The following TRAPPC11 variants were observed in gnomAD, a reference collection of about 807,000 sequenced individuals.
TRAPPC11 encodes foie gras homolog.
TRAPPC11 carries 104 observed loss-of-function variants against 151.2 expected under a neutral mutation model. The observed-to-expected ratio is 0.69, with a 90% CI of 0.59 to 0.81. The LOEUF is 0.81. Ranked by LOEUF, TRAPPC11 falls within the 30% of genes least tolerant of loss-of-function variation. TRAPPC11 has a pLI of 0.00. For synonymous variants in TRAPPC11, 456 were observed against 472.3 expected (o/e 0.97, Z 0.45); for missense variants, 1,230 against 1,349.6 (o/e 0.91, Z 1.39).
intron 1 of TRAPPC11, among the ~76,000 whole-genome samples, chr4:183,661,546 T>A (rs1236432675): frequency 2.0e-5 from 3 of 151,488 alleles, no homozygotes; most frequent in Non-Finnish European, 4.4e-5. Flanking sequence ...TAATTTTTTG[T>A]GTTTTTAGTA....
At chr4:183,667,413 A>T (rs1455483804) in intron 4 of TRAPPC11, among the ~76,000 whole-genome samples, 1 of 152,126 alleles carries the variant, frequency 6.6e-6, no homozygotes, top group Non-Finnish European at 1.5e-5. Context: ...AATTCGCTTG[A>T]ATTTTTTTAC....
At chr4:183,685,215 C>T in intron 16 of TRAPPC11, 56 bp from the exon 17 acceptor site, 1 of 1,608,124 alleles carries the variant, frequency 6.2e-7, no homozygotes, top group South Asian at 1.1e-5. Flanking sequence ...TCAACTAATC[C>T]AAGTAGTGGT....
chr4:183,675,164 C>CT lies in TRAPPC11; in HGVS notation c.665dup (p.Leu222PhefsTer4). On this transcript the variant is annotated frameshift_variant and splice_region_variant, in exon 7 of 30. Coordinates refer to ENST00000334690, the MANE Select transcript of TRAPPC11 (RefSeq NM_021942.6). LOFTEE classifies it high-confidence loss of function. The stretch of plus-strand genomic sequence containing the variant: ...TAGTAATTTTTTTGTCTCTTTTTAG[C>CT]TTTTATTTGTTAGGCATCAGTTCAA... The CT allele has an allele frequency of 6.7e-7, 1 of 1,491,914 alleles. No homozygotes were observed. The highest frequency in any genetic ancestry group is 9.0e-7 in the Non-Finnish European group (1 of 1,114,942). 92.4% of individuals were successfully genotyped at this position (1,491,914 alleles called of 1,614,324 possible). A position where few individuals can be genotyped will look rare whatever the true frequency, so the allele number is the denominator to read the frequency against.
intron 5 of TRAPPC11, among the ~76,000 whole-genome samples, chr4:183,669,960 A>G (rs1461272524): frequency 6.6e-6 from 1 of 152,258 alleles, no homozygotes; most frequent in Non-Finnish European, 1.5e-5. Context: ...ATGTAAAAAC[A>G]AGTGCCCTGG....
rs6842945 is a variant in TRAPPC11 at position 183,693,394 on chromosome 4, G to C, written c.2238-195G>C. ...TAATTTTTGTATTTTTTCTAGAGATGAGGGTCTTACTATGCTGCCCAGCCT... is the reference window on the plus strand; with the variant it reads ...TAATTTTTGTATTTTTTCTAGAGATCAGGGTCTTACTATGCTGCCCAGCCT... On this transcript the variant is annotated intron_variant, in intron 20 of 29. Coordinates refer to ENST00000334690, the MANE Select transcript of TRAPPC11 (RefSeq NM_021942.6). Among the ~76,000 whole-genome samples the C allele has an allele frequency of 0.2, 29,830 of 151,952 alleles. 3,054 individuals carry two copies. The highest frequency in any genetic ancestry group is 0.25 in the East Asian group (1,272 of 5,150).
chr4:183,679,478 G>A lies in TRAPPC11; in HGVS notation c.957G>A (p.Met319Ile). 1 of 1,604,782 alleles carries A rather than the reference G, an allele frequency of 6.2e-7. No homozygotes were observed. Among genetic ancestry groups the A allele is most frequent in the Non-Finnish European group, 8.5e-7 (1 of 1,176,910 alleles). Residue 319 changes from methionine (M) to isoleucine (I), a missense_variant, in exon 9 of 30, where the codon ATG (methionine) becomes ATA (isoleucine). Met to Ile is a conservative substitution (Grantham distance 10). Coordinates refer to ENST00000334690, the MANE Select transcript of TRAPPC11 (RefSeq NM_021942.6). ...TGTCTTTTGAGCATGATGCATGGAT[G>A]TCTAAACAGTATGTTTTACATTGTC... ...AELSFEHDAWMSKQFQAFGDL... is the reference protein window; with the variant it reads ...AELSFEHDAWISKQFQAFGDL...
intron 5 of TRAPPC11, among the ~76,000 whole-genome samples, chr4:183,671,857 A>G (rs1421304575): frequency 6.6e-6 from 1 of 152,246 alleles, no homozygotes; most frequent in Non-Finnish European, 1.5e-5. Flanking sequence ...AAGAGTAAAT[A>G]TACATGTGTT....
intron 20 of TRAPPC11, 66 bp from the exon 21 acceptor site, chr4:183,693,523 A>T: frequency 6.6e-7 from 1 of 1,517,266 alleles, no homozygotes; most frequent in Non-Finnish European, 8.9e-7. Flanking sequence ...TCTTTTAAAT[A>T]CTTTATTTGA....
At chr4:183,684,600 TA>T (rs1735868549) in intron 14 of TRAPPC11, 95 bp from the exon 15 acceptor site, 2 of 1,347,198 alleles carry the variant, frequency 1.5e-6, no homozygotes. Flanking sequence ...GATTTTTCTA[TA>T]CTTACATAAA....
chr4:183,664,691 A>G (rs1232946120), intron 2 of TRAPPC11, among the ~76,000 whole-genome samples: 2 of 152,212 alleles, frequency 1.3e-5, no homozygotes, highest in Non-Finnish European at 2.9e-5. Context: ...TAGTTGTAAA[A>G]AAACAGTAAA....
rs1408502665 is a variant in TRAPPC11 at position 183,680,108 on chromosome 4, C to G, written c.966-12C>G. The G allele has an allele frequency of 1.3e-6, 2 of 1,594,702 alleles. No individual in the cohort carries two copies. The highest frequency in any genetic ancestry group is 1.7e-6 in the Non-Finnish European group (2 of 1,172,846). ...TCATTCCTCTTTATTTCTTGATTTT[C>G]TTTTCTTTAAGATTCCAGGCCTTTG... On this transcript the variant is annotated splice_polypyrimidine_tract_variant and intron_variant, in intron 9 of 29. Coordinates refer to ENST00000334690, the MANE Select transcript of TRAPPC11 (RefSeq NM_021942.6).
rs1470121917 is a variant in TRAPPC11, at chr4:183,685,286, C to T, written c.1645C>T (p.Pro549Ser). 2 of 1,613,780 alleles carry T rather than the reference C, an allele frequency of 1.2e-6. No individual in the cohort carries two copies. Among genetic ancestry groups the T allele is most frequent in the Admixed American group, 1.7e-5 (1 of 59,998 alleles). Residue 549 changes from proline (P) to serine (S), a missense_variant, in exon 17 of 30, where the codon CCA becomes TCA. By Grantham distance (74) the Pro-to-Ser change is moderately conservative. Transcript: ENST00000334690. ...INVLMNESPDPEPDCDILAVK... is the reference protein window; with the variant it reads ...INVLMNESPDSEPDCDILAVK... Reference sequence around the variant, plus strand: ...GTTGATGCAGAATGAAAGTCCTGATCCAGAACCCGACTGTGATATCTTAGC... The same window carrying T: ...GTTGATGCAGAATGAAAGTCCTGATTCAGAACCCGACTGTGATATCTTAGC...
chr4:183,675,261 T>C (rs1735357256), intron 7 of TRAPPC11, 24 bp downstream of exon 7: 6 of 1,416,854 alleles, frequency 4.2e-6, no homozygotes, highest in Non-Finnish European at 5.7e-6. Flanking sequence ...TCAAACTAAA[T>C]GTTTCCTATT....
chr4:183,684,377 T>C lies in TRAPPC11; in HGVS notation c.1421+18T>C. On this transcript the variant is annotated intron_variant, in intron 14 of 29. Transcript: ENST00000334690. Reference sequence around the variant, plus strand: ...GCTTTGAAGTGAGTCCTGTTCACTATTTACTTTTACAAGTATTTGGATTAT... The same window carrying C: ...GCTTTGAAGTGAGTCCTGTTCACTACTTACTTTTACAAGTATTTGGATTAT... The C allele has an allele frequency of 6.2e-7, 1 of 1,602,574 alleles. No individual in the cohort carries two copies. Among genetic ancestry groups the C allele is most frequent in the Non-Finnish European group, 8.5e-7 (1 of 1,170,536 alleles).
At chr4:183,696,284 G>T (rs538808096) in intron 23 of TRAPPC11, among the ~76,000 whole-genome samples, 1 of 152,326 alleles carries the variant, frequency 6.6e-6, no homozygotes, top group African/African-American at 2.4e-5. Context: ...GCTCTGTCTG[G>T]CATTACAGCC....
chr4:183,670,534 G>A (rs1267555885), intron 5 of TRAPPC11, among the ~76,000 whole-genome samples: 1 of 152,172 alleles, frequency 6.6e-6, no homozygotes, highest in African/African-American at 2.4e-5. Context: ...GAAAGCAAAT[G>A]CTTCTCAAAG....
At chr4:183,694,357 A>C (rs1051724219) in intron 22 of TRAPPC11, among the ~76,000 whole-genome samples, 1 of 151,582 alleles carries the variant, frequency 6.6e-6, no homozygotes, top group Non-Finnish European at 1.5e-5. Flanking sequence ...TTGGAAGTTA[A>C]AGAACAATAA....
At chr4:183,693,380 T>C (rs1219788331) in intron 20 of TRAPPC11, among the ~76,000 whole-genome samples, 2 of 152,088 alleles carry the variant, frequency 1.3e-5, no homozygotes, top group Non-Finnish European at 2.9e-5. Context: ...AATTTTTGTA[T>C]TTTTTCTAGA....
At chr4:183,662,033 G>C (rs1453658779) in intron 1 of TRAPPC11, among the ~76,000 whole-genome samples, 29 of 151,920 alleles carry the variant, frequency 1.9e-4, no homozygotes. Context: ...AAAAGTGCTG[G>C]GATTATAGGC....
Sources: allele counts gnomAD v4.1 joint callset (sites outside exome capture counted in the v4.1 genomes callset), GRCh38; gene constraint gnomAD v4.1.1; transcripts MANE v1.5; gene names NCBI Gene and HGNC (gene_info 2026-07-23, HGNC 2026-07-21).